CSTF2T: variants seen among roughly 807,000 people sequenced by gnomAD.
The protein encoded by CSTF2T is cleavage stimulation factor subunit 2 tau variant, also known as CF-1 64 kDa subunit tau.
A neutral mutation model predicts 39.9 loss-of-function variants in CSTF2T; 18 were observed. The ratio of observed to expected loss-of-function variants is 0.45; its 90% CI spans 0.31 to 0.67. CSTF2T has a LOEUF of 0.67. Ranked by LOEUF, CSTF2T falls within the 30% of genes least tolerant of loss-of-function variation. The pLI is 0.06. For synonymous variants in CSTF2T, 291 were observed against 276.4 expected (o/e 1.05, Z -0.52); for missense variants, 681 against 789.0 (o/e 0.86, Z 1.64).
chr10:51,695,524 T>C lies in CSTF2T; in HGVS notation c.*2175A>G, dbSNP rs1036284872. ...TATCTTTATTTTCTGCATGAAACAATGCAGAGATTTGACTAAAGACTAACA... is the reference window on the plus strand; with the variant it reads ...TATCTTTATTTTCTGCATGAAACAACGCAGAGATTTGACTAAAGACTAACA... On this transcript the variant is annotated 3_prime_UTR_variant, in exon 1 of 1. Coordinates refer to ENST00000331173, the MANE Select transcript of CSTF2T (RefSeq NM_015235.3). The C allele has an allele frequency of 1.3e-5, 2 of 152,226 alleles. No individual in the cohort carries two copies. Among genetic ancestry groups the C allele is most frequent in the Non-Finnish European group, 2.9e-5 (2 of 68,036 alleles). 9.4% of individuals were successfully genotyped at this position (152,226 alleles called of 1,614,324 possible).
In CSTF2T at chr10:51,696,216, T is replaced by G. The variant is rs971507361; in HGVS notation, c.*1483A>C. On this transcript the variant is annotated 3_prime_UTR_variant, in exon 1 of 1. Coordinates refer to ENST00000331173, the MANE Select transcript of CSTF2T (RefSeq NM_015235.3). ...GGTAAGATGATTAATGATAGAAAAG[T>G]AGATTATGAAATAAGAAAACTAAAA... is the stretch of plus-strand genomic sequence containing the variant. The G allele has an allele frequency of 2.0e-5, 3 of 151,948 alleles. No individual in the cohort carries two copies. The highest frequency in any genetic ancestry group is 6.6e-5 in the Admixed American group (1 of 15,262). 9.4% of individuals were successfully genotyped at this position (151,948 alleles called of 1,614,324 possible). A position where few individuals can be genotyped will look rare whatever the true frequency, so the allele number is the denominator to read the frequency against.
chr10:51,698,324 C>A lies in CSTF2T; in HGVS notation c.1226G>T (p.Gly409Val), dbSNP rs772996942. The A allele has an allele frequency of 6.2e-7, 1 of 1,614,064 alleles. No homozygotes were observed. The highest frequency in any genetic ancestry group is 1.3e-5 in the African/African-American group (1 of 74,928). The change falls in exon 1 of 1, where the codon GGT (glycine) becomes GTT (valine). Residue 409 changes from glycine to valine, a missense_variant. By Grantham distance (109) the Gly-to-Val change is moderately radical. Transcript: ENST00000331173. ...MIDQRGLPMD[G>V]RGGRDSRAME... The stretch of plus-strand genomic sequence containing the variant: ...CGCTCGAGAATCTCTACCACCTCTA[C>A]CATCCATAGGTAGACCCCTTTGATC...
In CSTF2T at chr10:51,696,068, C is replaced by T. The variant is rs1841283416; in HGVS notation, c.*1631G>A. On this transcript the variant is annotated 3_prime_UTR_variant, in exon 1 of 1. Transcript: ENST00000331173. ...CATCTTCCAACCAATTTTTAATTGT[C>T]TCATTGGTATGTATATTAGGACTAA... 1.3e-5 allele frequency: 2 copies of T among 152,264 alleles called. No individual in the cohort carries two copies. The highest frequency in any genetic ancestry group is 3.4e-3 in the Middle Eastern group (1 of 292). The allele number at this position is 152,264 out of a possible 1,614,324, so 9.4% of individuals were successfully genotyped here. A position where few individuals can be genotyped will look rare whatever the true frequency, so the allele number is the denominator to read the frequency against.
At position 51,699,331 on chromosome 10, in the gene CSTF2T, G is replaced by A; in HGVS notation, c.219C>T (p.Ala73=). ...EYQDQETALS[A]MRNLNGREFS... is the part of the protein sequence containing the mutation. The stretch of plus-strand genomic sequence containing the variant: ...ACTCCCGCCCATTGAGGTTCCGCAT[G>A]GCACTAAGCGCGGTCTCCTGGTCTT... Residue 73 remains alanine, a synonymous_variant, in exon 1 of 1, where the codon GCC becomes GCT. Transcript: ENST00000331173. The A allele has an allele frequency of 6.2e-7, 1 of 1,614,092 alleles. No homozygotes were observed. Among genetic ancestry groups the A allele is most frequent in the South Asian group, 1.1e-5 (1 of 91,074 alleles).
chr10:51,699,501 A>C lies in CSTF2T; in HGVS notation c.49T>G (p.Ser17Ala). The change falls in exon 1 of 1, where the codon TCC becomes GCC. Residue 17 changes from serine (S) to alanine (A), a missense_variant. Physicochemically the swap from Ser to Ala is moderately conservative, Grantham distance 99 (BLOSUM62 1). Around this residue, in one of 4 missense-constraint regions of CSTF2T, gnomAD observed 65 missense variants for 134.2 expected, o/e 0.48. Transcript: ENST00000331173. The part of the protein sequence containing the change: ...RDPAMDRSLR[S>A]VFVGNIPYEA... The stretch of plus-strand genomic sequence containing the variant: ...TATGGAATGTTCCCCACGAACACGG[A>C]ACGCAGTGATCGATCCATTGCCGGG... 6.2e-7 allele frequency: 1 copy of C among 1,613,538 alleles called. No homozygotes were observed. The highest frequency in any genetic ancestry group is 8.5e-7 in the Non-Finnish European group (1 of 1,179,834).
chr10:51,699,214 G>T lies in CSTF2T; in HGVS notation c.336C>A (p.Asp112Glu). 6.2e-7 allele frequency: 1 copy of T among 1,614,142 alleles called. No individual in the cohort carries two copies. The highest frequency in any genetic ancestry group is 8.5e-7 in the Non-Finnish European group (1 of 1,180,022). ...GATCGATGGGATCCCCATAGGGTGA[G>T]TCAATAATGGGCGCTGCAGGCCCAA... ...KSLGPAAPII[D>E]SPYGDPIDPE... The change falls in exon 1 of 1, where the codon GAC (aspartate) becomes GAA (glutamate). Residue 112 changes from aspartate to glutamate, a missense_variant. Physicochemically the swap from Asp to Glu is conservative, Grantham distance 45. Coordinates refer to ENST00000331173, the MANE Select transcript of CSTF2T (RefSeq NM_015235.3).
In CSTF2T at chr10:51,698,709, T is replaced by G; in HGVS notation, c.841A>C (p.Thr281Pro). The G allele has an allele frequency of 6.2e-7, 1 of 1,613,996 alleles. No homozygotes were observed. The highest frequency in any genetic ancestry group is 1.3e-5 in the African/African-American group (1 of 74,998). The change falls in exon 1 of 1, where the codon ACT (threonine) becomes CCT (proline). Residue 281 changes from threonine to proline, a missense_variant. Coordinates refer to ENST00000331173, the MANE Select transcript of CSTF2T (RefSeq NM_015235.3). ...TGGGGCTGCATTGCTCCTCCAGGAG[T>G]TAAGGAACCAGGACCAGCTCCGGGA... ...AVPGAGPGSL[T>P]PGGAMQPQLG...
In CSTF2T at chr10:51,695,517, G is replaced by C. The variant is rs939980378; in HGVS notation, c.*2182C>G. On this transcript the variant is annotated 3_prime_UTR_variant, in exon 1 of 1. Coordinates refer to ENST00000331173, the MANE Select transcript of CSTF2T (RefSeq NM_015235.3). ...TTAATTGTATCTTTATTTTCTGCAT[G>C]AAACAATGCAGAGATTTGACTAAAG... 2 of 152,134 alleles carry C rather than the reference G, an allele frequency of 1.3e-5. No homozygotes were observed. Among genetic ancestry groups the C allele is most frequent in the African/African-American group, 4.8e-5 (2 of 41,450 alleles). The allele number at this position is 152,134 out of a possible 1,614,324, so 9.4% of individuals were successfully genotyped here. A position where few individuals can be genotyped will look rare whatever the true frequency, so the allele number is the denominator to read the frequency against.
At position 51,698,165 on chromosome 10, in the gene CSTF2T, C is replaced by A. The variant is rs753520233; in HGVS notation, c.1385G>T (p.Gly462Val). ...GMDARGLEMR[G>V]PVPSSRGPMT... The stretch of plus-strand genomic sequence containing the variant: ...AGGGCCTCTTGAACTGGGGACAGGG[C>A]CCCTCATCTCCAATCCTCTTGCATC... The change falls in exon 1 of 1, where the codon GGC becomes GTC. Residue 462 changes from glycine to valine, a missense_variant. Gly to Val is a moderately radical substitution (Grantham distance 109). Transcript: ENST00000331173. The A allele has an allele frequency of 1.7e-5, 28 of 1,614,120 alleles. No individual in the cohort carries two copies. The highest frequency in any genetic ancestry group is 2.4e-5 in the Non-Finnish European group (28 of 1,180,014).
chr10:51,697,557 A>AAAAG lies in CSTF2T; in HGVS notation c.*138_*141dup. The AAAAG allele has an allele frequency of 2.3e-6, 2 of 867,708 alleles. No homozygotes were observed. Among genetic ancestry groups the AAAAG allele is most frequent in the Non-Finnish European group, 3.5e-6 (2 of 574,182 alleles). The allele number at this position is 867,708 out of a possible 1,614,324, so 53.8% of individuals were successfully genotyped here. The stretch of plus-strand genomic sequence containing the variant: ...AAAAAAAGGAAAACAGAAAGAAAGA[A>AAAAG]AAAGAACAAAAAATAAGATTAGGTT... On this transcript the variant is annotated 3_prime_UTR_variant, in exon 1 of 1. Transcript: ENST00000331173.
Position 51,698,139 on chromosome 10 carries a change from T to C in CSTF2T, c.1411A>G (p.Met471Val). ...CCAGGACCCTGAATTCCACCAGTCA[T>C]AGGGCCTCTTGAACTGGGGACAGGG... ...RGPVPSSRGP[M>V]TGGIQGPGPI... Residue 471 changes from methionine (M) to valine (V), a missense_variant, in exon 1 of 1, where the codon ATG (methionine) becomes GTG (valine). Met to Val is a conservative substitution (Grantham distance 21). Coordinates refer to ENST00000331173, the MANE Select transcript of CSTF2T (RefSeq NM_015235.3). 6.2e-7 allele frequency: 1 copy of C among 1,614,112 alleles called. No homozygotes were observed. Among genetic ancestry groups the C allele is most frequent in the Non-Finnish European group, 8.5e-7 (1 of 1,180,022 alleles).
Position 51,697,795 on chromosome 10 carries a change from T to C in CSTF2T, c.1755A>G (p.Gln585=), listed in dbSNP as rs770112516. ...EKAALIMQVL[Q]LTADQIAMLP... ...GCATGGCAATCTGATCTGCAGTCAG[T>C]TGAAGAACCTGCATGATCAAAGCTG... The change falls in exon 1 of 1, where the codon CAA becomes CAG. Residue 585 remains glutamine (Q), a synonymous_variant. Transcript: ENST00000331173. 5.6e-6 allele frequency: 9 copies of C among 1,614,156 alleles called. No homozygotes were observed. In the East Asian group the frequency reaches 1.3e-4, roughly 24 times the overall value.
Position 51,696,808 on chromosome 10 carries a change from A to G in CSTF2T, c.*891T>C, listed in dbSNP as rs779038832. On this transcript the variant is annotated 3_prime_UTR_variant, in exon 1 of 1. Transcript: ENST00000331173. Reference sequence around the variant, plus strand: ...AACCTTCCACTACTTATGAAAAGTCAAATACCATTTATAACTCATCTAGAT... The same window carrying G: ...AACCTTCCACTACTTATGAAAAGTCGAATACCATTTATAACTCATCTAGAT... The G allele has an allele frequency of 1.3e-5, 2 of 152,170 alleles. No individual in the cohort carries two copies. The highest frequency in any genetic ancestry group is 2.9e-5 in the Non-Finnish European group (2 of 68,036). The allele number at this position is 152,170 out of a possible 1,614,324, so 9.4% of individuals were successfully genotyped here.
In CSTF2T at chr10:51,697,978, T is replaced by C; in HGVS notation, c.1572A>G (p.Gln524=). Residue 524 remains glutamine (Q), a synonymous_variant, in exon 1 of 1, where the codon CAA becomes CAG. Transcript: ENST00000331173. ...QGTGMQGAGI[Q]GGGMQGAGIQ... ...TGCCTGCCCCCTGCATCCCTCCTCC[T>C]TGTATGCCTGCTCCCTGCATGCCTG... 1 of 1,607,700 alleles carries C rather than the reference T, an allele frequency of 6.2e-7. No individual in the cohort carries two copies. Among genetic ancestry groups the C allele is most frequent in the Non-Finnish European group, 8.5e-7 (1 of 1,176,836 alleles).
Position 51,697,013 on chromosome 10 carries a change from T to C in CSTF2T, c.*686A>G, listed in dbSNP as rs533070489. The C allele has an allele frequency of 2.7e-3, 412 of 152,174 alleles. 2 individuals are homozygous for C. Among genetic ancestry groups the C allele is most frequent in the Non-Finnish European group, 4.3e-3 (292 of 68,026 alleles). 9.4% of individuals were successfully genotyped at this position (152,174 alleles called of 1,614,324 possible). ...CAGCAAAATCATCATGCTCAGATGC[T>C]TGGGGCCTGGCAGAACCTTGCTGGT... On this transcript the variant is annotated 3_prime_UTR_variant, in exon 1 of 1. Transcript: ENST00000331173.
At position 51,698,764 on chromosome 10, in the gene CSTF2T, A is replaced by C; in HGVS notation, c.786T>G (p.Ile262Met). Residue 262 changes from isoleucine (I) to methionine (M), a missense_variant, in exon 1 of 1, where the codon ATT becomes ATG. Ile to Met is a conservative substitution (Grantham distance 10). Around this residue, in one of 4 missense-constraint regions of CSTF2T, gnomAD observed 329 missense variants for 344.1 expected, o/e 0.96. Coordinates refer to ENST00000331173, the MANE Select transcript of CSTF2T (RefSeq NM_015235.3). Reference protein sequence around the residue: ...PLMQTPIQGGIPAPGPIPAAV... With the variant: ...PLMQTPIQGGMPAPGPIPAAV... The stretch of plus-strand genomic sequence containing the variant: ...CAGCTGGTATTGGCCCTGGAGCTGG[A>C]ATTCCACCCTGGATAGGAGTCTGCA... The C allele has an allele frequency of 1.2e-6, 2 of 1,614,200 alleles. No individual in the cohort carries two copies. Among genetic ancestry groups the C allele is most frequent in the African/African-American group, 2.7e-5 (2 of 75,068 alleles).
Position 51,697,532 on chromosome 10 carries a change from A to C in CSTF2T, c.*167T>G. On this transcript the variant is annotated 3_prime_UTR_variant, in exon 1 of 1. Transcript: ENST00000331173. ...CCTCCTCCCCCCACCCTCAATTAAA[A>C]AAAAAAGGAAAACAGAAAGAAAGAA... 1.4e-6 allele frequency: 1 copy of C among 739,150 alleles called. No individual in the cohort carries two copies. Among genetic ancestry groups the C allele is most frequent in the South Asian group, 2.0e-5 (1 of 51,138 alleles). The allele number at this position is 739,150 out of a possible 1,614,324, so 45.8% of individuals were successfully genotyped here. A position where few individuals can be genotyped will look rare whatever the true frequency, so the allele number is the denominator to read the frequency against.
At position 51,698,029 on chromosome 10, in the gene CSTF2T, A is replaced by G. The variant is rs1485203465; in HGVS notation, c.1521T>C (p.Gly507=). ...TTCCTTGTATGCCTGTACCCTGCAT[A>G]CCAGCTCCAGGATTCCCCACCCCTG... The part of the protein sequence containing the change: ...GISGVGNPGA[G]MQGTGIQGTG... The change falls in exon 1 of 1, where the codon GGT becomes GGC. Residue 507 remains glycine, a synonymous_variant. Coordinates refer to ENST00000331173, the MANE Select transcript of CSTF2T (RefSeq NM_015235.3). 7 of 1,613,858 alleles carry G rather than the reference A, an allele frequency of 4.3e-6. No homozygotes were observed. In the Admixed American group the frequency reaches 1.2e-4, roughly 27 times the overall value.
chr10:51,697,748 C>T lies in CSTF2T; in HGVS notation c.1802G>A (p.Ser601Asn). ...IAMLPPEQRQ[S>N]ILILKEQIQK... is the part of the protein sequence containing the mutation. ...GATTTGTTCCTTTAAAATCAGGATA[C>T]TCTGCCTTTGCTCAGGGGGCAGCAT... is the stretch of plus-strand genomic sequence containing the variant. Residue 601 changes from serine (S) to asparagine (N), a missense_variant, in exon 1 of 1, where the codon AGT (serine) becomes AAT (asparagine). Coordinates refer to ENST00000331173, the MANE Select transcript of CSTF2T (RefSeq NM_015235.3). 6.2e-7 allele frequency: 1 copy of T among 1,614,160 alleles called. No homozygotes were observed.
Sources: gnomAD v4.1 joint callset for allele counts on GRCh38, gnomAD v4.1.1 for gene constraint, gnomAD v4.1.1 regional missense constraint, MANE v1.5 for transcripts, NCBI Gene and HGNC (gene_info 2026-07-23, HGNC 2026-07-21) for gene names.